Variants in RNF212B observed in about 807,000 individuals in gnomAD.
RNF212B encodes the protein E3 ubiquitin-protein ligase RNF212B.
RNF212B carries 52 observed loss-of-function variants against 55.5 expected under a neutral mutation model. The ratio of observed to expected loss-of-function variants is 0.94; its 90% CI spans 0.75 to 1.18. The LOEUF (loss-of-function observed/expected upper bound fraction) is 1.18, where lower values mean the gene tolerates loss of function less well. RNF212B is among the 50% of genes most tolerant of loss of function. RNF212B has a pLI of 0.00. For synonymous variants in RNF212B, 99 were observed against 121.4 expected (o/e 0.82, Z 1.21); for missense variants, 289 against 350.4 (o/e 0.82, Z 1.40).
At chr14:23,224,325 G>C (rs1040195623) in intron 2 of RNF212B, among the ~76,000 whole-genome samples, 2 of 151,602 alleles carry the variant, frequency 1.3e-5, no homozygotes, top group Non-Finnish European at 2.9e-5. Context: ...CAAAAAGGGA[G>C]GAATCATATT....
chr14:23,223,357 C>T (rs1352289127), intron 2 of RNF212B, among the ~76,000 whole-genome samples: 1 of 147,684 alleles, frequency 6.8e-6, no homozygotes, highest in Non-Finnish European at 1.5e-5. Context: ...AACTGAAAGC[C>T]TTTCCTTTTT....
At chr14:23,257,617 G>A (rs1238288055) in intron 4 of RNF212B, among the ~76,000 whole-genome samples, 1 of 152,160 alleles carries the variant, frequency 6.6e-6, no homozygotes, top group Non-Finnish European at 1.5e-5. Context: ...AAATACTGCT[G>A]TGTACTCAAA....
At chr14:23,261,099 C>T (rs896885325) in intron 7 of RNF212B, among the ~76,000 whole-genome samples, 9 of 152,258 alleles carry the variant, frequency 5.9e-5, no homozygotes, top group African/African-American at 1.7e-4. Flanking sequence ...TGGCTGGAAC[C>T]AGACCTCACA....
intron 2 of RNF212B, among the ~76,000 whole-genome samples, chr14:23,197,779 CTTT>C (rs34895919): frequency 3.5e-4 from 50 of 143,996 alleles, no homozygotes; most frequent in South Asian, 8.7e-4. Context: ...GTCTTGTCTT[CTTT>C]TTTTTTTTTT....
intron 2 of RNF212B, among the ~76,000 whole-genome samples, chr14:23,222,993 G>T (rs1455406672): frequency 6.7e-6 from 1 of 148,290 alleles, no homozygotes; most frequent in Non-Finnish European, 1.5e-5. Context: ...GGCAAAGGTT[G>T]CAGTGAGCCA....
intron 14 of RNF212B, among the ~76,000 whole-genome samples, chr14:23,271,311 CG>C (rs981739537): frequency 1.9e-4 from 29 of 151,802 alleles, no homozygotes; most frequent in African/African-American, 6.8e-4. Context: ...GGTGTGGTGG[CG>C]GGTGCCTGTA....
upstream of RNF212B, among the ~76,000 whole-genome samples, chr14:23,234,294 T>C (rs776274992): frequency 3.9e-5 from 6 of 151,924 alleles, no homozygotes; most frequent in Non-Finnish European, 8.8e-5. Context: ...GTGCTTTACT[T>C]TTCGTGTGTG....
intron 2 of RNF212B, among the ~76,000 whole-genome samples, chr14:23,210,252 C>T (rs1480016610): frequency 6.6e-6 from 1 of 152,182 alleles, no homozygotes; most frequent in African/African-American, 2.4e-5. Context: ...AAACACATGA[C>T]CCATTTTCCT....
chr14:23,214,693 T>C (rs1477496394), intron 2 of RNF212B, among the ~76,000 whole-genome samples: 2 of 151,476 alleles, frequency 1.3e-5, no homozygotes, highest in Non-Finnish European at 2.9e-5. Flanking sequence ...ATAATCAAAA[T>C]AGAGAGAAAA....
chr14:23,247,837 T>A (rs960046574), intron 4 of RNF212B, among the ~76,000 whole-genome samples: 3 of 152,214 alleles, frequency 2.0e-5, no homozygotes, highest in Admixed American at 6.5e-5. Flanking sequence ...TTAACTTTTT[T>A]AGGAACTGCC....
rs1387929606 is a variant in RNF212B at position 23,258,515 on chromosome 14, G to A, written c.229-34G>A. The stretch of plus-strand genomic sequence containing the variant: ...AGAAGTGAAGGGAAAGGAGTTATGG[G>A]AGAGTATGTCAAAGGCTTGTTTTTC... On this transcript the variant is annotated intron_variant, in intron 4 of 14. Coordinates refer to ENST00000430154, the MANE Select transcript of RNF212B (RefSeq NM_001282322.3). The A allele has an allele frequency of 5.8e-6, 6 of 1,032,232 alleles. No individual in the cohort carries two copies. The African/African-American group carries it at 9.8e-5, about 17-fold the overall frequency. 63.9% of individuals were successfully genotyped at this position (1,032,232 alleles called of 1,614,324 possible).
In RNF212B at chr14:23,270,737, T is replaced by C. The variant is rs951400645; in HGVS notation, c.834+76T>C. On this transcript the variant is annotated intron_variant, in intron 14 of 14. Transcript: ENST00000430154. ...GGCCTGCACACTAAATGCCTCAGGG[T>C]AGTGGAATATAACCAGTGAAGAACG... 3.2e-6 allele frequency: 3 copies of C among 933,548 alleles called. No homozygotes were observed. The Admixed American group carries it at 6.0e-5, about 19-fold the overall frequency. 57.8% of individuals were successfully genotyped at this position (933,548 alleles called of 1,614,324 possible).
At chr14:23,223,644 C>T (rs566340103) in intron 2 of RNF212B, among the ~76,000 whole-genome samples, 18 of 152,290 alleles carry the variant, frequency 1.2e-4, no homozygotes, top group South Asian at 2.1e-4. Context: ...CGTGAGCCAC[C>T]GCGCCCGGCC....
chr14:23,210,018 G>A (rs546666576), intron 2 of RNF212B, among the ~76,000 whole-genome samples: 10 of 152,300 alleles, frequency 6.6e-5, no homozygotes, highest in African/African-American at 1.9e-4. Context: ...CTGGCATGAT[G>A]TGTGTGCCTG....
chr14:23,259,999 T>G, intron 6 of RNF212B, 55 bp downstream of exon 6: 1 of 854,452 alleles, frequency 1.2e-6, no homozygotes, highest in Non-Finnish European at 1.8e-6. Context: ...TTCTCATCTA[T>G]CTAGCTGACT....
At chr14:23,268,440 AC>A (rs1885845979) in intron 11 of RNF212B, among the ~76,000 whole-genome samples, 1 of 152,188 alleles carries the variant, frequency 6.6e-6, no homozygotes, top group Non-Finnish European at 1.5e-5. Flanking sequence ...TCTTGAATAA[AC>A]ATTCTCCAGA....
intron 1 of RNF212B, among the ~76,000 whole-genome samples, chr14:23,189,176 C>T (rs1254718997): frequency 6.6e-6 from 1 of 152,174 alleles, no homozygotes; most frequent in African/African-American, 2.4e-5. Context: ...CAATACCACA[C>T]CCCAAATCTT....
chr14:23,258,919 C>A (rs1012644052), intron 5 of RNF212B, among the ~76,000 whole-genome samples: 2 of 151,702 alleles, frequency 1.3e-5, no homozygotes, highest in Non-Finnish European at 2.9e-5. Context: ...GGTGCAGTGG[C>A]TCACACCTGT....
At chr14:23,257,757 C>T (rs1250222982) in intron 4 of RNF212B, among the ~76,000 whole-genome samples, 1 of 152,026 alleles carries the variant, frequency 6.6e-6, no homozygotes, top group Non-Finnish European at 1.5e-5. Flanking sequence ...TGTGCATGCC[C>T]AGAAAAAAAA....
Sources: allele counts gnomAD v4.1 joint callset (sites outside exome capture counted in the v4.1 genomes callset), GRCh38; gene constraint gnomAD v4.1.1; transcripts MANE v1.5; gene names NCBI Gene and HGNC (gene_info 2026-07-23, HGNC 2026-07-21).